Variants in FBXO4 observed in about 807,000 individuals in gnomAD.
FBXO4 encodes F-box only protein 4.
A neutral mutation model predicts 43.7 loss-of-function variants in FBXO4; 36 were observed. The observed-to-expected ratio is 0.82, with a 90% CI of 0.63 to 1.09. FBXO4 has a LOEUF of 1.09. Ranked by LOEUF, FBXO4 falls within the 50% of genes least tolerant of loss-of-function variation. FBXO4 has a pLI of 0.00. For synonymous variants in FBXO4, 180 were observed against 165.6 expected, an observed-to-expected ratio of 1.09 and a Z score of -0.67; for missense variants, 435 against 474.1, an observed-to-expected ratio of 0.92 and a Z score of 0.77.
chr5:41,940,239 TTA>T (rs1751971055), intron 6 of FBXO4, among the ~76,000 whole-genome samples: 2 of 152,062 alleles, frequency 1.3e-5, no homozygotes, highest in African/African-American at 4.8e-5. Context: ...ATGTTCCATC[TTA>T]TAGTTTATTG....
the FBXO4 span, among the ~76,000 whole-genome samples, chr5:42,002,451 G>GT: frequency 2.6e-5 from 4 of 152,142 alleles, no homozygotes; most frequent in Non-Finnish European, 5.9e-5. Context: ...TCATATACCA[G>GT]TAAAAACCAT....
the FBXO4 span, among the ~76,000 whole-genome samples, chr5:41,974,823 C>T: frequency 6.6e-6 from 1 of 151,978 alleles, no homozygotes; most frequent in African/African-American, 2.4e-5. Flanking sequence ...ATTTTCCTTA[C>T]TTTTTGTATT....
At chr5:42,036,950 C>T in the FBXO4 span, among the ~76,000 whole-genome samples, 1 of 152,004 alleles carries the variant, frequency 6.6e-6, no homozygotes, top group Non-Finnish European at 1.5e-5. Flanking sequence ...AGGCTAATCC[C>T]ATTCCTCAGT....
At chr5:41,948,226 C>T in the FBXO4 span, among the ~76,000 whole-genome samples, 1 of 151,182 alleles carries the variant, frequency 6.6e-6, no homozygotes, top group Non-Finnish European at 1.5e-5. Flanking sequence ...AGCTCTGCCT[C>T]CCAGGTTCAC....
the FBXO4 span, among the ~76,000 whole-genome samples, chr5:42,017,880 T>C: frequency 6.6e-6 from 1 of 152,090 alleles, no homozygotes; most frequent in Non-Finnish European, 1.5e-5. Flanking sequence ...CATGTTGCTA[T>C]TGTGAATAGT....
chr5:42,014,222 T>A, the FBXO4 span, among the ~76,000 whole-genome samples: 2 of 152,162 alleles, frequency 1.3e-5, no homozygotes, highest in Non-Finnish European at 2.9e-5. Context: ...TTGTGATTTT[T>A]AAAAATCTGC....
the FBXO4 span, among the ~76,000 whole-genome samples, chr5:41,974,925 C>A: frequency 6.6e-6 from 1 of 151,938 alleles, no homozygotes; most frequent in Non-Finnish European, 1.5e-5. Flanking sequence ...TTCTGTTAGG[C>A]CTTTAGTGTC....
the FBXO4 span, among the ~76,000 whole-genome samples, chr5:41,999,492 TAC>T: frequency 9.3e-3 from 487 of 52,610 alleles, 5 homozygotes; most frequent in Non-Finnish European, 0.015. Flanking sequence ...TATATATATA[TAC>T]ATATATATAT....
In FBXO4 at chr5:41,927,022, C is replaced by G; in HGVS notation, c.199C>G (p.Gln67Glu). The G allele has an allele frequency of 6.3e-7, 1 of 1,596,956 alleles. No homozygotes were observed. The highest frequency in any genetic ancestry group is 8.5e-7 in the Non-Finnish European group (1 of 1,172,040). ...STLTRLPIDV[Q>E]LYILSFLSPH... is the part of the protein sequence containing the mutation. ...CTTTCTTCTGTTTCAGATTGATGTACAGCTATATATTTTGTCCTTTCTTTC... is the reference window on the plus strand; with the variant it reads ...CTTTCTTCTGTTTCAGATTGATGTAGAGCTATATATTTTGTCCTTTCTTTC... The change falls in exon 2 of 7, where the codon CAG becomes GAG. Residue 67 changes from glutamine to glutamate, a missense_variant. Coordinates refer to ENST00000281623, the MANE Select transcript of FBXO4 (RefSeq NM_012176.3).
At chr5:41,930,023 C>CTGT in intron 3 of FBXO4, 106 bp downstream of exon 3, 1 of 959,116 alleles carries the variant, frequency 1.0e-6, no homozygotes, top group South Asian at 1.7e-5. Flanking sequence ...TAATGAAGTA[C>CTGT]AGTACTTTGG....
the FBXO4 span, among the ~76,000 whole-genome samples, chr5:41,955,152 AC>A: frequency 1.3e-5 from 2 of 152,206 alleles, no homozygotes; most frequent in Non-Finnish European, 2.9e-5. Flanking sequence ...GTACTTTCAC[AC>A]ATCTCTAAGC....
At chr5:41,972,791 T>C in the FBXO4 span, among the ~76,000 whole-genome samples, 1 of 152,108 alleles carries the variant, frequency 6.6e-6, no homozygotes, top group African/African-American at 2.4e-5. Flanking sequence ...AACCATCTGA[T>C]CCTCAACAAA....
chr5:41,967,758 G>T, the FBXO4 span: 1 of 614,640 alleles, frequency 1.6e-6, no homozygotes, highest in Non-Finnish European at 3.2e-6. Flanking sequence ...CAGAATTGCA[G>T]ATCTTTCTCT....
At chr5:42,011,052 G>A in the FBXO4 span, among the ~76,000 whole-genome samples, 1 of 152,174 alleles carries the variant, frequency 6.6e-6, no homozygotes, top group South Asian at 2.1e-4. Context: ...ACAGGCCTCA[G>A]TGTGTGATGT....
chr5:41,929,780 C>T lies in FBXO4; in HGVS notation c.509C>T (p.Ser170Phe). The T allele has an allele frequency of 6.2e-7, 1 of 1,614,114 alleles. No homozygotes were observed. Among genetic ancestry groups the T allele is most frequent in the Non-Finnish European group, 8.5e-7 (1 of 1,180,008 alleles). ...GGAGCTGTCACTTCTTTTTTACACT[C>T]CCTGATCATTCAGAATGAACCACGA... Reference protein sequence around the residue: ...MYGAVTSFLHSLIIQNEPRFA... With the variant: ...MYGAVTSFLHFLIIQNEPRFA... Residue 170 changes from serine to phenylalanine, a missense_variant, in exon 3 of 7, where the codon TCC becomes TTC. Physicochemically the swap from Ser to Phe is radical, Grantham distance 155. Coordinates refer to ENST00000281623, the MANE Select transcript of FBXO4 (RefSeq NM_012176.3).
the FBXO4 span, among the ~76,000 whole-genome samples, chr5:41,971,544 T>C: frequency 6.6e-6 from 1 of 152,052 alleles, no homozygotes; most frequent in Non-Finnish European, 1.5e-5. Flanking sequence ...ATATGCTAGA[T>C]AATCTTCCTG....
the FBXO4 span, among the ~76,000 whole-genome samples, chr5:41,986,290 A>G: frequency 6.6e-6 from 1 of 151,966 alleles, no homozygotes; most frequent in African/African-American, 2.4e-5. Flanking sequence ...GTTTGGCCCC[A>G]TTTACCAAAA....
At chr5:41,973,715 T>C in the FBXO4 span, among the ~76,000 whole-genome samples, 4 of 152,294 alleles carry the variant, frequency 2.6e-5, no homozygotes, top group Admixed American at 1.3e-4. Flanking sequence ...GGACTATCAT[T>C]TGATCCAGCA....
chr5:41,980,649 G>A, the FBXO4 span, among the ~76,000 whole-genome samples: 1 of 151,706 alleles, frequency 6.6e-6, no homozygotes, highest in African/African-American at 2.4e-5. Context: ...TACGTTTTAT[G>A]GGTTTTTTTT....
Sources: gnomAD v4.1 joint callset for allele counts (sites outside exome capture counted in the v4.1 genomes callset) on GRCh38, gnomAD v4.1.1 for gene constraint, MANE v1.5 for transcripts, NCBI Gene and HGNC (gene_info 2026-07-23, HGNC 2026-07-21) for gene names.